TCF12: variants seen among roughly 807,000 people sequenced by gnomAD.
TCF12 encodes transcription factor 12.
Under a neutral mutation model 86.0 loss-of-function variants are expected in TCF12, and 45 were observed. The observed-to-expected ratio is 0.52, with a 90% CI of 0.41 to 0.67. The LOEUF (loss-of-function observed/expected upper bound fraction) is 0.67, where lower values mean the gene tolerates loss of function less well. Among genes scored for constraint, TCF12 ranks in the 30% least tolerant of loss-of-function variants. The pLI, the probability that TCF12 is intolerant of heterozygous loss-of-function variation, is 0.00. For missense variants in TCF12, 881 were observed against 859.9 expected (o/e 1.02, Z -0.31); for synonymous variants, 330 against 299.6 (o/e 1.10, Z -1.05).
At chr15:57,272,344 A>G (rs1424485589) in intron 18 of TCF12, among the ~76,000 whole-genome samples, 1 of 152,160 alleles carries the variant, frequency 6.6e-6, no homozygotes, top group African/African-American at 2.4e-5. Flanking sequence ...CGTTTTGCCA[A>G]TTTGCCCTTC....
chr15:57,185,171 A>G (rs962939246), intron 6 of TCF12, among the ~76,000 whole-genome samples: 3 of 152,218 alleles, frequency 2.0e-5, no homozygotes, highest in African/African-American at 7.2e-5. Flanking sequence ...TATCAGCTTT[A>G]TCTAAAGAAA....
chr15:57,043,104 A>G (rs1392044052), intron 3 of TCF12, among the ~76,000 whole-genome samples: 9 of 152,204 alleles, frequency 5.9e-5, no homozygotes, highest in African/African-American at 2.2e-4. Context: ...AGGCTAAATA[A>G]TATTTTATTG....
intron 3 of TCF12, among the ~76,000 whole-genome samples, chr15:56,967,809 G>A (rs2140682126): frequency 6.6e-6 from 1 of 152,148 alleles, no homozygotes; most frequent in Middle Eastern, 3.4e-3. Flanking sequence ...TTCTTATCTG[G>A]GAAGAACTTA....
chr15:57,280,462 TAGTC>T (rs1253879241), intron 19 of TCF12, among the ~76,000 whole-genome samples: 1 of 152,222 alleles, frequency 6.6e-6, no homozygotes, highest in Admixed American at 6.5e-5. Flanking sequence ...GCATCACTGA[TAGTC>T]AGGAGTCAGC....
chr15:57,137,169 C>T (rs539929052), intron 5 of TCF12, among the ~76,000 whole-genome samples: 2 of 151,486 alleles, frequency 1.3e-5, no homozygotes, highest in East Asian at 1.9e-4. Flanking sequence ...TTAGTAGAGA[C>T]GCGGTTTCAC....
intron 18 of TCF12, among the ~76,000 whole-genome samples, chr15:57,265,557 G>T (rs1290412554): frequency 6.6e-6 from 1 of 152,078 alleles, no homozygotes; most frequent in African/African-American, 2.4e-5. Flanking sequence ...TTAAATGTAT[G>T]CATAGTTCAC....
At position 57,288,016 on chromosome 15, in the gene TCF12, TAGAA is replaced by T. The variant is rs1198564747; in HGVS notation, c.*1877_*1880del. On this transcript the variant is annotated 3_prime_UTR_variant, in exon 21 of 21. Coordinates refer to ENST00000333725, the MANE Select transcript of TCF12 (RefSeq NM_207037.2). The stretch of plus-strand genomic sequence containing the variant: ...TGCCCAGAAGCTTTCCTTCATAAAA[TAGAA>T]AGAAAAAAACATTTGGCTTATTTTT... 3 of 152,638 alleles carry T rather than the reference TAGAA, an allele frequency of 2.0e-5. No individual in the cohort carries two copies. The highest frequency in any genetic ancestry group is 4.1e-4 in the South Asian group (2 of 4,820). 9.5% of individuals were successfully genotyped at this position (152,638 alleles called of 1,614,324 possible). A position where few individuals can be genotyped will look rare whatever the true frequency, so the allele number is the denominator to read the frequency against.
At chr15:57,050,290 T>G (rs2067522306) in intron 3 of TCF12, among the ~76,000 whole-genome samples, 1 of 152,156 alleles carries the variant, frequency 6.6e-6, no homozygotes, top group Non-Finnish European at 1.5e-5. Flanking sequence ...TTATCTGGTA[T>G]TATTTTCCTT....
At chr15:57,223,662 T>TTTTG (rs1566940927) in intron 8 of TCF12, among the ~76,000 whole-genome samples, 2 of 141,466 alleles carry the variant, frequency 1.4e-5, no homozygotes, top group Non-Finnish European at 3.2e-5. Flanking sequence ...TTTTTTTTTT[T>TTTTG]TTTTTTTTTA....
intron 5 of TCF12, among the ~76,000 whole-genome samples, chr15:57,113,533 C>G (rs1427878449): frequency 6.6e-6 from 1 of 152,060 alleles, no homozygotes; most frequent in Non-Finnish European, 1.5e-5. Flanking sequence ...CTTTCTTTTG[C>G]TTCTTTTTTT....
At chr15:57,190,875 A>T (rs575878057) in intron 6 of TCF12, among the ~76,000 whole-genome samples, 2 of 152,322 alleles carry the variant, frequency 1.3e-5, no homozygotes, top group African/African-American at 4.8e-5. Context: ...ACAGATTAAG[A>T]ATCTGAAAAA....
intron 3 of TCF12, among the ~76,000 whole-genome samples, chr15:56,930,428 A>G (rs2060196065): frequency 6.6e-6 from 1 of 152,228 alleles, no homozygotes; most frequent in African/African-American, 2.4e-5. Flanking sequence ...GGTTTTTCCT[A>G]TTTGGAAACC....
At chr15:57,279,484 G>A (rs768033626) in intron 19 of TCF12, among the ~76,000 whole-genome samples, 19 of 152,174 alleles carry the variant, frequency 1.2e-4, no homozygotes, top group African/African-American at 2.7e-4. Context: ...CACATTTGCC[G>A]TGGTCTGTGT....
intron 18 of TCF12, among the ~76,000 whole-genome samples, chr15:57,265,667 A>G (rs879829455): frequency 1.3e-5 from 2 of 152,140 alleles, no homozygotes; most frequent in African/African-American, 4.8e-5. Context: ...CTTAACTCTT[A>G]TTTATATCAA....
At chr15:57,229,302 AT>A (rs1159425292) in intron 8 of TCF12, among the ~76,000 whole-genome samples, 1 of 152,036 alleles carries the variant, frequency 6.6e-6, no homozygotes, top group Admixed American at 6.6e-5. Context: ...CAACACAATC[AT>A]TTGTGAAATA....
At chr15:57,275,985 G>A (rs1204231270) in intron 19 of TCF12, among the ~76,000 whole-genome samples, 2 of 152,072 alleles carry the variant, frequency 1.3e-5, no homozygotes, top group African/African-American at 4.8e-5. Context: ...TGACTACAAC[G>A]TTATTTGTAC....
chr15:57,074,864 C>T (rs563685899), intron 4 of TCF12, among the ~76,000 whole-genome samples: 1 of 152,312 alleles, frequency 6.6e-6, no homozygotes, highest in South Asian at 2.1e-4. Flanking sequence ...ATGCATCTCA[C>T]AAGGCATTTA....
chr15:57,037,311 C>T (rs1394074314), intron 3 of TCF12, among the ~76,000 whole-genome samples: 2 of 152,038 alleles, frequency 1.3e-5, no homozygotes, highest in Non-Finnish European at 2.9e-5. Context: ...TGTGGTTCCT[C>T]ACGCCTGTAA....
At chr15:57,177,608 C>CAGATTGAGAGAG (rs2056022870) in intron 6 of TCF12, among the ~76,000 whole-genome samples, 1 of 122,962 alleles carries the variant, frequency 8.1e-6, no homozygotes, top group Non-Finnish European at 1.7e-5. Flanking sequence ...GTTAAAAGGC[C>CAGATTGAGAGAG]AGAGAGAGAG....
Sources: gnomAD v4.1 joint callset for allele counts (sites outside exome capture counted in the v4.1 genomes callset) on GRCh38, gnomAD v4.1.1 for gene constraint, MANE v1.5 for transcripts, NCBI Gene and HGNC (gene_info 2026-07-23, HGNC 2026-07-21) for gene names.